SDK2: variants seen among roughly 807,000 people sequenced by gnomAD.
The protein encoded by SDK2 is protein sidekick-2.
A neutral mutation model predicts 253.9 loss-of-function variants in SDK2; 105 were observed. That is an observed-to-expected ratio of 0.41 (90% CI 0.35 to 0.49). SDK2 has a LOEUF of 0.49. Ranked by LOEUF, SDK2 falls within the 20% of genes least tolerant of loss-of-function variation. The pLI is 0.06. For missense variants in SDK2, 2,608 were observed against 3,003.0 expected, an observed-to-expected ratio of 0.87 and a Z score of 3.07; for synonymous variants, 1,249 against 1,234.9, an observed-to-expected ratio of 1.01 and a Z score of -0.24.
chr17:73,385,765 C>T, intron 32 of SDK2, 82 bp downstream of exon 32: 1 of 1,322,368 alleles, frequency 7.6e-7, no homozygotes, highest in East Asian at 2.5e-5. Context: ...CCACGCAGCC[C>T]TGGTGGGGAC....
At chr17:73,350,811 T>C (rs1411486131) in intron 41 of SDK2, 21 bp from the exon 42 acceptor site, 8 of 1,588,684 alleles carry the variant, frequency 5.0e-6, no homozygotes, top group Non-Finnish European at 6.8e-6. Flanking sequence ...GATAGTCAGG[T>C]ATATAGGGTG....
intron 21 of SDK2, 62 bp from the exon 22 acceptor site, chr17:73,399,351 G>A (rs1457228910): frequency 1.3e-6 from 2 of 1,585,610 alleles, no homozygotes; most frequent in Non-Finnish European, 1.7e-6. Context: ...ATGTTGAACG[G>A]GACTGTTGGG....
intron 1 of SDK2, among the ~76,000 whole-genome samples, chr17:73,509,985 T>G (rs1360109816): frequency 6.9e-6 from 1 of 144,280 alleles, no homozygotes; most frequent in Non-Finnish European, 1.5e-5. Flanking sequence ...AGGAAGGGGC[T>G]AGGGAGGGGG....
intron 1 of SDK2, among the ~76,000 whole-genome samples, chr17:73,522,958 G>A (rs2064094399): frequency 6.6e-6 from 1 of 152,202 alleles, no homozygotes; most frequent in Non-Finnish European, 1.5e-5. Flanking sequence ...CCCTGGGCTG[G>A]AGGCCAGGCC....
chr17:73,419,453 T>G (rs2063210074), intron 15 of SDK2, 147 bp from the exon 16 acceptor site: 1 of 827,648 alleles, frequency 1.2e-6, no homozygotes, highest in South Asian at 1.7e-5. Flanking sequence ...CTGACTTCTC[T>G]GAGCTTGTTC....
chr17:73,538,787 G>A (rs2044820469), intron 1 of SDK2, among the ~76,000 whole-genome samples: 1 of 152,188 alleles, frequency 6.6e-6, no homozygotes, highest in Non-Finnish European at 1.5e-5. Flanking sequence ...TTTCGTCTCA[G>A]CCTGAAGAGG....
intron 36 of SDK2, among the ~76,000 whole-genome samples, chr17:73,372,656 C>T (rs1209224823): frequency 6.6e-6 from 1 of 151,734 alleles, no homozygotes; most frequent in Non-Finnish European, 1.5e-5. Context: ...CAGGACAATC[C>T]CTTGAACCTA....
intron 2 of SDK2, among the ~76,000 whole-genome samples, chr17:73,473,390 C>G (rs1405771178): frequency 6.6e-6 from 1 of 152,162 alleles, no homozygotes; most frequent in Non-Finnish European, 1.5e-5. Context: ...CTTTCCCATC[C>G]CTAGGCAATG....
chr17:73,405,509 T>TAC lies in SDK2; in HGVS notation c.2485-3369_2485-3368insGT, dbSNP rs1568385771. Among the ~76,000 whole-genome samples, 47 of 38,922 alleles carry TAC rather than the reference T, an allele frequency of 1.2e-3. 3 individuals are homozygous for TAC. Among genetic ancestry groups the TAC allele is most frequent in the Non-Finnish European group, 1.8e-3 (38 of 20,922 alleles). The allele number at this position is 38,922 out of a possible 152,430, so 25.5% of individuals were successfully genotyped here. A position where few individuals can be genotyped will look rare whatever the true frequency, so the allele number is the denominator to read the frequency against. On this transcript the variant is annotated intron_variant, in intron 18 of 44. Transcript: ENST00000392650. ...ATATATATATATATATATATATATA[T>TAC]ATATATATAAAGATCGAGAATGTGG...
chr17:73,385,866 G>A lies in SDK2; in HGVS notation c.4550C>T (p.Ser1517Phe), dbSNP rs1178472142. The A allele has an allele frequency of 1.9e-6, 3 of 1,608,646 alleles. No homozygotes were observed. Among genetic ancestry groups the A allele is most frequent in the Non-Finnish European group, 2.5e-6 (3 of 1,178,126 alleles). Residue 1517 changes from serine (S) to phenylalanine (F), a missense_variant, in exon 32 of 45, where the codon TCC (serine) becomes TTC (phenylalanine). Coordinates refer to ENST00000392650, the MANE Select transcript of SDK2 (RefSeq NM_001144952.2). ...CCATACCTGCCATCGGATTAGCACGGAGGTGGTGGTGTGGGGCGTCACGGA... is the reference window on the plus strand; with the variant it reads ...CCATACCTGCCATCGGATTAGCACGAAGGTGGTGGTGTGGGGCGTCACGGA... ...ILSVTPHTTT[S>F]VLIRWQPPAE... is the part of the protein sequence containing the mutation.
intron 4 of SDK2, among the ~76,000 whole-genome samples, chr17:73,450,273 G>T (rs185970687): frequency 2.0e-5 from 3 of 152,340 alleles, no homozygotes; most frequent in Non-Finnish European, 4.4e-5. Context: ...CTGTGCAGGG[G>T]TGGAAGCAGG....
intron 1 of SDK2, among the ~76,000 whole-genome samples, chr17:73,528,583 C>T (rs2064144604): frequency 6.6e-6 from 1 of 152,204 alleles, no homozygotes; most frequent in South Asian, 2.1e-4. Flanking sequence ...GACCTACTGC[C>T]TCACTAAGCC....
chr17:73,495,656 A>T (rs1445138998), intron 2 of SDK2, among the ~76,000 whole-genome samples: 5 of 133,020 alleles, frequency 3.8e-5, no homozygotes, highest in Non-Finnish European at 8.2e-5. Context: ...TTGTTTGTGT[A>T]TGTGTGTGTG....
At chr17:73,505,787 A>G (rs895493692) in intron 2 of SDK2, among the ~76,000 whole-genome samples, 2 of 152,106 alleles carry the variant, frequency 1.3e-5, no homozygotes, top group Non-Finnish European at 1.5e-5. Context: ...GCTGGACCTC[A>G]TCATCATCAA....
At chr17:73,372,723 A>G (rs1243179793) in intron 36 of SDK2, among the ~76,000 whole-genome samples, 3 of 152,112 alleles carry the variant, frequency 2.0e-5, no homozygotes, top group African/African-American at 7.2e-5. Context: ...CCTGGGTGAC[A>G]GAGTGAGACT....
chr17:73,455,939 C>G lies in SDK2; in HGVS notation c.446G>C (p.Arg149Pro). The part of the protein sequence containing the change: ...SFPQPQVTWF[R>P]DGRKIPPSSR... ...GCTGGGCGGGATCTTGCGGCCGTCC[C>G]GGAACCAGGTCACCTGTGGCTGGGG... Residue 149 changes from arginine (R) to proline (P), a missense_variant, in exon 4 of 45, where the codon CGG (arginine) becomes CCG (proline). Physicochemically the swap from Arg to Pro is moderately radical, Grantham distance 103. Around this residue, in one of 2 missense-constraint regions of SDK2, gnomAD observed 1,505 missense variants for 1,859.1 expected, o/e 0.81. Coordinates refer to ENST00000392650, the MANE Select transcript of SDK2 (RefSeq NM_001144952.2). The surrounding 1 kb of genome is among the most constrained non-coding windows in gnomAD (Gnocchi z 5.0). 1.9e-6 allele frequency: 3 copies of G among 1,546,952 alleles called. No homozygotes were observed. Among genetic ancestry groups the G allele is most frequent in the Non-Finnish European group, 1.7e-6 (2 of 1,146,418 alleles).
chr17:73,509,607 T>G (rs1401630226), intron 1 of SDK2, among the ~76,000 whole-genome samples: 1 of 136,196 alleles, frequency 7.3e-6, no homozygotes, highest in Non-Finnish European at 1.6e-5. Context: ...TTGGGCGACA[T>G]GGTGAGACCC....
rs62063644 is a variant in SDK2 at position 73,644,160 on chromosome 17, C to T, written c.-72G>A. The T allele has an allele frequency of 6.2e-6, 8 of 1,291,230 alleles. No individual in the cohort carries two copies. Among genetic ancestry groups the T allele is most frequent in the African/African-American group, 1.5e-5 (1 of 67,934 alleles). 80.0% of individuals were successfully genotyped at this position (1,291,230 alleles called of 1,614,324 possible). On this transcript the variant is annotated 5_prime_UTR_variant, in exon 1 of 45. Coordinates refer to ENST00000392650, the MANE Select transcript of SDK2 (RefSeq NM_001144952.2). This position sits in a 1 kb window ranked among gnomAD's most constrained non-coding sequence, Gnocchi z 6.3. Reference sequence around the variant, plus strand: ...CCTGTTTTATAATCCTGGTGGGGTCCGATACCCCGTGGCTTAGTCCCAGGA... The same window carrying T: ...CCTGTTTTATAATCCTGGTGGGGTCTGATACCCCGTGGCTTAGTCCCAGGA...
At chr17:73,355,174 A>ATATATTTT in intron 40 of SDK2, among the ~76,000 whole-genome samples, 3 of 47,224 alleles carry the variant, frequency 6.4e-5, no homozygotes, top group Non-Finnish European at 1.0e-4. Flanking sequence ...ATATATATAT[A>ATATATTTT]TTTTTTTTTT....
Sources: allele counts gnomAD v4.1 joint callset (sites outside exome capture counted in the v4.1 genomes callset), GRCh38; gene constraint gnomAD v4.1.1; regional missense constraint gnomAD v4.1.1; non-coding constraint Gnocchi (gnomAD v3.1); transcripts MANE v1.5; gene names NCBI Gene and HGNC (gene_info 2026-07-23, HGNC 2026-07-21).